GPC5: variants seen among roughly 807,000 people sequenced by gnomAD.
GPC5 encodes the protein glypican 5.
Under a neutral mutation model 53.9 loss-of-function variants are expected in GPC5, and 47 were observed. The observed-to-expected ratio is 0.87, with a 90% confidence interval of 0.69 to 1.11. The LOEUF is 1.11. GPC5 is among the 50% of genes most tolerant of loss of function. The pLI, the probability that GPC5 is intolerant of heterozygous loss-of-function variation, is 0.00. For synonymous variants in GPC5, 286 were observed against 263.3 expected (o/e 1.09, Z -0.84); for missense variants, 748 against 713.1 (o/e 1.05, Z -0.56).
intron 7 of GPC5, among the ~76,000 whole-genome samples, chr13:92,527,185 GAAA>G: frequency 7.9e-5 from 1 of 12,710 alleles, no homozygotes; most frequent in Non-Finnish European, 1.5e-4. Context: ...AAAGAAAGAA[GAAA>G]GAAAGAAAGA....
intron 6 of GPC5, among the ~76,000 whole-genome samples, chr13:91,958,279 G>C (rs201470939): frequency 7.1e-6 from 1 of 141,264 alleles, no homozygotes; most frequent in Admixed American, 7.0e-5. Context: ...ACTGTAAAAA[G>C]AAAAAAAAAA....
intron 7 of GPC5, among the ~76,000 whole-genome samples, chr13:92,856,808 A>C (rs967777670): frequency 6.6e-6 from 1 of 152,136 alleles, no homozygotes; most frequent in African/African-American, 2.4e-5. Flanking sequence ...AGAACTACAA[A>C]ACACTTATGA....
At chr13:92,822,521 T>C (rs757560323) in intron 7 of GPC5, among the ~76,000 whole-genome samples, 4 of 152,110 alleles carry the variant, frequency 2.6e-5, no homozygotes, top group Non-Finnish European at 5.9e-5. Context: ...CCAGGATACA[T>C]GTGGCTAATA....
chr13:92,451,731 T>G (rs1035311548), intron 7 of GPC5, among the ~76,000 whole-genome samples: 1 of 152,210 alleles, frequency 6.6e-6, no homozygotes, highest in Non-Finnish European at 1.5e-5. Flanking sequence ...GACTTGTGTT[T>G]TCACCTATTT....
At chr13:92,276,428 C>A (rs1303007382) in intron 7 of GPC5, among the ~76,000 whole-genome samples, 2 of 151,966 alleles carry the variant, frequency 1.3e-5, no homozygotes, top group African/African-American at 4.8e-5. Flanking sequence ...CTAATGTATT[C>A]TTTGACGAGA....
rs372392534 is a variant in GPC5 at position 91,698,907 on chromosome 13, G to A, written c.1020+5026G>A. On this transcript the variant is annotated intron_variant, in intron 3 of 7. Transcript: ENST00000377067. ...AGAAGGCTAATATGCCCTTTCCCTA[G>A]AAAAGTAAGACACGCAGACACACAG... Among the ~76,000 whole-genome samples the A allele has an allele frequency of 4.6e-5, 7 of 152,202 alleles. No homozygotes were observed. In the East Asian group the frequency reaches 1.4e-3, roughly 29 times the overall value.
chr13:92,227,409 G>A (rs776438034), intron 7 of GPC5, among the ~76,000 whole-genome samples: 31 of 152,224 alleles, frequency 2.0e-4, no homozygotes, highest in African/African-American at 5.3e-4. Flanking sequence ...ATGGTATTTC[G>A]CAGAAGGAAA....
At chr13:92,278,710 G>C (rs887208640) in intron 7 of GPC5, among the ~76,000 whole-genome samples, 1 of 151,838 alleles carries the variant, frequency 6.6e-6, no homozygotes, top group African/African-American at 2.4e-5. Flanking sequence ...TTTGTGTTGG[G>C]TGTGAGGAAG....
At chr13:92,838,420 G>A (rs1253007444) in intron 7 of GPC5, among the ~76,000 whole-genome samples, 1 of 149,438 alleles carries the variant, frequency 6.7e-6, no homozygotes, top group Admixed American at 6.7e-5. Context: ...TAGTCGGAGC[G>A]TGCAGTGAGT....
In GPC5 at chr13:91,660,503, G is replaced by C. The variant is rs564243036; in HGVS notation, c.326-32684G>C. ...CGGCAGATTCCCTGAACATAACCTT[G>C]TAGAAGATCCTCAGCTGAGACTCTT... On this transcript the variant is annotated intron_variant, in intron 2 of 7. Transcript: ENST00000377067. Among the ~76,000 whole-genome samples, 8 of 152,282 alleles carry C rather than the reference G, an allele frequency of 5.3e-5. No individual in the cohort carries two copies. The South Asian group carries it at 1.7e-3, about 32-fold the overall frequency.
rs116470601 is a variant in GPC5 at position 92,797,062 on chromosome 13, G to A, written c.1562-69220G>A. ...TGTAATACCACAGTAGAGCTAACCC[G>A]TACGGTGCAACAACTCTCACTGAAG... On this transcript the variant is annotated intron_variant, in intron 7 of 7. Coordinates refer to ENST00000377067, the MANE Select transcript of GPC5 (RefSeq NM_004466.6). Among the ~76,000 whole-genome samples the A allele has an allele frequency of 8.5e-3, 1,296 of 151,928 alleles. 18 individuals are homozygous for A. Among genetic ancestry groups the A allele is most frequent in the African/African-American group, 0.03 (1,241 of 41,494 alleles).
rs1188124236 is a variant in GPC5, at chr13:92,144,880, G to A, written c.1452G>A (p.Leu484=). The part of the protein sequence containing the change: ...PKPDKWELLQ[L]GSGGGMVEQV... ...CTGACAAGTGGGAACTTCTTCAGCT[G>A]GGCAGTGGTGGAGGCATGGTTGAAC... The change falls in exon 7 of 8, where the codon CTG becomes CTA. Residue 484 remains leucine (L), a synonymous_variant. Transcript: ENST00000377067. 1 of 1,611,610 alleles carries A rather than the reference G, an allele frequency of 6.2e-7. No homozygotes were observed. The highest frequency in any genetic ancestry group is 8.5e-7 in the Non-Finnish European group (1 of 1,178,972).
chr13:91,778,982 T>C (rs1224116742), intron 5 of GPC5, among the ~76,000 whole-genome samples: 1 of 152,182 alleles, frequency 6.6e-6, no homozygotes, highest in East Asian at 1.9e-4. Flanking sequence ...TAAGTATTTG[T>C]GTATCTAGAC....
chr13:92,263,447 T>C (rs1358084819), intron 7 of GPC5, among the ~76,000 whole-genome samples: 1 of 152,152 alleles, frequency 6.6e-6, no homozygotes, highest in Admixed American at 6.6e-5. Context: ...AATACAGTAT[T>C]TATTTGTATC....
intron 3 of GPC5, among the ~76,000 whole-genome samples, chr13:91,700,081 A>T (rs917115403): frequency 3.8e-4 from 57 of 151,968 alleles, no homozygotes; most frequent in African/African-American, 1.3e-3. Flanking sequence ...GCTGGTAGGA[A>T]TTTTCTTCAC....
chr13:91,859,937 C>T (rs972062443), intron 5 of GPC5, among the ~76,000 whole-genome samples: 4 of 151,888 alleles, frequency 2.6e-5, no homozygotes, highest in Admixed American at 6.6e-5. Context: ...TTAATTGACA[C>T]ATAATAATTG....
chr13:92,422,006 C>G (rs935083548), intron 7 of GPC5, among the ~76,000 whole-genome samples: 2 of 151,104 alleles, frequency 1.3e-5, no homozygotes, highest in Admixed American at 6.6e-5. Context: ...TAACCCGGAA[C>G]TCCTGGCATC....
chr13:92,293,422 C>CTTTTTTTTTTTTTTT (rs748125673), intron 7 of GPC5, among the ~76,000 whole-genome samples: 1 of 77,284 alleles, frequency 1.3e-5, no homozygotes, highest in African/African-American at 5.6e-5. Context: ...TGGTTGGTTT[C>CTTTTTTTTTTTTTTT]TTTTTTTTTT....
intron 7 of GPC5, among the ~76,000 whole-genome samples, chr13:92,501,274 A>G (rs1370234676): frequency 1.3e-5 from 2 of 152,198 alleles, no homozygotes; most frequent in Non-Finnish European, 2.9e-5. Flanking sequence ...AAATAGGTGT[A>G]ATAGAAGATA....
Sources: gnomAD v4.1 joint callset for allele counts (sites outside exome capture counted in the v4.1 genomes callset) on GRCh38, gnomAD v4.1.1 for gene constraint, MANE v1.5 for transcripts, NCBI Gene and HGNC (gene_info 2026-07-23, HGNC 2026-07-21) for gene names.